NTNG1: variants seen among roughly 807,000 people sequenced by gnomAD.
NTNG1 encodes netrin-G1.
A neutral mutation model predicts 54.0 loss-of-function variants in NTNG1; 16 were observed. That is an observed-to-expected ratio of 0.30 (90% CI 0.20 to 0.45). NTNG1 has a LOEUF of 0.45. Among genes scored for constraint, NTNG1 ranks in the 20% least tolerant of loss-of-function variants. NTNG1 has a pLI of 1.00. For synonymous variants in NTNG1, 255 were observed against 263.1 expected, an observed-to-expected ratio of 0.97 and a Z score of 0.30; for missense variants, 530 against 678.7, an observed-to-expected ratio of 0.78 and a Z score of 2.43.
intron 5 of NTNG1, among the ~76,000 whole-genome samples, chr1:107,423,106 C>A (rs552125234): frequency 6.6e-6 from 1 of 152,042 alleles, no homozygotes; most frequent in Admixed American, 6.6e-5. Context: ...CAACTTTGAA[C>A]CCTTCCCCTT....
intron 2 of NTNG1, among the ~76,000 whole-genome samples, chr1:107,237,885 G>A (rs1004264019): frequency 1.3e-5 from 2 of 152,224 alleles, no homozygotes; most frequent in African/African-American, 2.4e-5. Flanking sequence ...CCCTCATGGA[G>A]AACCTCTGCT....
chr1:107,383,149 G>A (rs1057265702), intron 3 of NTNG1, among the ~76,000 whole-genome samples: 3 of 152,094 alleles, frequency 2.0e-5, no homozygotes, highest in Non-Finnish European at 4.4e-5. Flanking sequence ...ATAACCATTT[G>A]ATGAAATAAT....
chr1:107,216,700 T>TG (rs1431140808), intron 2 of NTNG1, among the ~76,000 whole-genome samples: 3 of 151,528 alleles, frequency 2.0e-5, no homozygotes, highest in Non-Finnish European at 2.9e-5. Flanking sequence ...TTTTTTTTTT[T>TG]GGGAGTCTTC....
intron 2 of NTNG1, among the ~76,000 whole-genome samples, chr1:107,155,717 A>G (rs1180541236): frequency 2.0e-5 from 3 of 152,212 alleles, no homozygotes; most frequent in Non-Finnish European, 4.4e-5. Context: ...TATTCCTTGA[A>G]CATACTCCAA....
chr1:107,378,504 C>T lies in NTNG1; in HGVS notation c.888-16650C>T, dbSNP rs575579198. Among the ~76,000 whole-genome samples the T allele has an allele frequency of 2.0e-5, 3 of 152,250 alleles. No homozygotes were observed. The East Asian group carries it at 5.8e-4, about 29-fold the overall frequency. ...CTTGGTTAAAAGTAGAGACTCAAATCTGGGGTACTTGGGGATGGGGGAACA... is the reference window on the plus strand; with the variant it reads ...CTTGGTTAAAAGTAGAGACTCAAATTTGGGGTACTTGGGGATGGGGGAACA... On this transcript the variant is annotated intron_variant, in intron 3 of 7. Coordinates refer to ENST00000370068, the MANE Select transcript of NTNG1 (RefSeq NM_001113226.3).
At chr1:107,177,184 T>C (rs1004299314) in intron 2 of NTNG1, among the ~76,000 whole-genome samples, 1 of 152,166 alleles carries the variant, frequency 6.6e-6, no homozygotes, top group Non-Finnish European at 1.5e-5. Context: ...TACCATAATA[T>C]TCGAGGCCCT....
intron 2 of NTNG1, among the ~76,000 whole-genome samples, chr1:107,237,187 G>A (rs1022095011): frequency 1.3e-5 from 2 of 152,190 alleles, no homozygotes; most frequent in Non-Finnish European, 2.9e-5. Flanking sequence ...GGGAACTGGA[G>A]CAAAGGTGAC....
chr1:107,179,495 C>T (rs903260392), intron 2 of NTNG1, among the ~76,000 whole-genome samples: 1 of 151,924 alleles, frequency 6.6e-6, no homozygotes, highest in Non-Finnish European at 1.5e-5. Context: ...TTAAAATTGA[C>T]AATACAAATT....
intron 3 of NTNG1, among the ~76,000 whole-genome samples, chr1:107,394,692 G>T (rs1672570537): frequency 6.6e-6 from 1 of 152,040 alleles, no homozygotes; most frequent in Admixed American, 6.6e-5. Context: ...TTATTTTAAT[G>T]GTTATCTTCC....
chr1:107,341,235 A>G (rs1424383169), intron 3 of NTNG1, among the ~76,000 whole-genome samples: 1 of 152,098 alleles, frequency 6.6e-6, no homozygotes, highest in East Asian at 1.9e-4. Flanking sequence ...GTCTTCCTCT[A>G]CTAACTCTTT....
chr1:107,455,503 T>C, intron 7 of NTNG1: 1 of 404,244 alleles, frequency 2.5e-6, no homozygotes, highest in Non-Finnish European at 5.3e-6. Context: ...GCAGCAGGCT[T>C]GTTCTTCTTC....
At chr1:107,205,850 C>T (rs1192014082) in intron 2 of NTNG1, among the ~76,000 whole-genome samples, 1 of 152,154 alleles carries the variant, frequency 6.6e-6, no homozygotes, top group East Asian at 1.9e-4. Context: ...ACTATTTTGA[C>T]TTCTTATAGC....
chr1:107,371,379 T>A (rs1302883965), intron 3 of NTNG1, among the ~76,000 whole-genome samples: 2 of 152,094 alleles, frequency 1.3e-5, no homozygotes, highest in Non-Finnish European at 2.9e-5. Flanking sequence ...AATTTTTGTT[T>A]AGAATTTTTA....
rs564774940 is a variant in NTNG1, at chr1:107,309,762, T to C, written c.247-14520T>C. On this transcript the variant is annotated intron_variant, in intron 2 of 7. Transcript: ENST00000370068. ...AGACATCTGCTATAAAAACCATTAA[T>C]GGCTTTCAGCTCTCCAATTAATCAA... Among the ~76,000 whole-genome samples, 4 of 152,288 alleles carry C rather than the reference T, an allele frequency of 2.6e-5. No individual in the cohort carries two copies. The East Asian group carries it at 7.7e-4, about 29-fold the overall frequency.
intron 2 of NTNG1, among the ~76,000 whole-genome samples, chr1:107,254,792 A>G (rs1662824792): frequency 2.0e-5 from 3 of 152,198 alleles, no homozygotes; most frequent in Admixed American, 2.0e-4. Flanking sequence ...GGGACACAAA[A>G]ATACATTGCT....
rs981297637 is a variant in NTNG1, at chr1:107,334,429, C to G, written c.887+9507C>G. ...ATGTGTAATTATAGATACTCCAGTGCTGCTGGGAACAGGGAACAGATGGGG... is the reference window on the plus strand; with the variant it reads ...ATGTGTAATTATAGATACTCCAGTGGTGCTGGGAACAGGGAACAGATGGGG... On this transcript the variant is annotated intron_variant, in intron 3 of 7. Transcript: ENST00000370068. Among the ~76,000 whole-genome samples, 14 of 151,490 alleles carry G rather than the reference C, an allele frequency of 9.2e-5. 1 individual carries two copies. The East Asian group carries it at 2.0e-3, about 21-fold the overall frequency.
intron 2 of NTNG1, among the ~76,000 whole-genome samples, chr1:107,200,781 C>G (rs1431824940): frequency 6.6e-6 from 1 of 151,790 alleles, no homozygotes; most frequent in African/African-American, 2.4e-5. Context: ...TCCATAGTGA[C>G]TTTTTATTCA....
intron 3 of NTNG1, among the ~76,000 whole-genome samples, chr1:107,350,240 C>G (rs1669520913): frequency 6.6e-6 from 1 of 152,004 alleles, no homozygotes. Context: ...GAGAATTTAT[C>G]TTTCATTTTA....
At chr1:107,288,740 T>G (rs547517907) in intron 2 of NTNG1, among the ~76,000 whole-genome samples, 68 of 152,062 alleles carry the variant, frequency 4.5e-4, no homozygotes, top group Non-Finnish European at 7.5e-4. Flanking sequence ...TCTGAGAAAT[T>G]TGGTAGTTAA....
Sources: allele counts gnomAD v4.1 joint callset (sites outside exome capture counted in the v4.1 genomes callset), GRCh38; gene constraint gnomAD v4.1.1; transcripts MANE v1.5; gene names NCBI Gene and HGNC (gene_info 2026-07-23, HGNC 2026-07-21).